Variants in SORBS2 observed in about 807,000 individuals in gnomAD.
The protein encoded by SORBS2 is sorbin and SH3 domain containing 2.
SORBS2 carries 46 observed loss-of-function variants against 97.7 expected under a neutral mutation model. The observed-to-expected ratio is 0.47, with a 90% confidence interval of 0.37 to 0.60. The LOEUF (loss-of-function observed/expected upper bound fraction) is 0.60, where lower values mean the gene tolerates loss of function less well. SORBS2 is among the 20% of genes least tolerant of loss of function. SORBS2 has a pLI of 0.00. For missense variants in SORBS2, 1,316 were observed against 1,282.3 expected (o/e 1.03, Z -0.40); for synonymous variants, 476 against 473.4 (o/e 1.01, Z -0.07).
chr4:185,804,401 T>C (rs1167318879), intron 1 of SORBS2, among the ~76,000 whole-genome samples: 2 of 152,218 alleles, frequency 1.3e-5, no homozygotes, highest in Admixed American at 6.5e-5. Context: ...GGAGGTCACT[T>C]TCACATGGAA....
intron 2 of SORBS2, among the ~76,000 whole-genome samples, chr4:185,760,275 G>T (rs1021436583): frequency 6.6e-6 from 1 of 152,152 alleles, no homozygotes; most frequent in Non-Finnish European, 1.5e-5. Flanking sequence ...AATGTGGCTG[G>T]CATTACAGCC....
chr4:185,681,351 G>A (rs1391665033), intron 2 of SORBS2, among the ~76,000 whole-genome samples: 4 of 151,570 alleles, frequency 2.6e-5, no homozygotes, highest in Admixed American at 2.6e-4. Flanking sequence ...CTTTGGAGCA[G>A]GTAATAGAAA....
intron 1 of SORBS2, among the ~76,000 whole-genome samples, chr4:185,899,441 T>A (rs563502113): frequency 6.6e-6 from 1 of 152,232 alleles, no homozygotes; most frequent in Non-Finnish European, 1.5e-5. Flanking sequence ...TTATTTTTAT[T>A]TTTTTTAAGA....
intron 1 of SORBS2, among the ~76,000 whole-genome samples, chr4:185,793,333 G>C (rs1035716765): frequency 2.6e-5 from 4 of 152,192 alleles, no homozygotes; most frequent in Admixed American, 2.6e-4. Flanking sequence ...TTAGAAAACA[G>C]TGAGCTCCCA....
At position 185,865,980 on chromosome 4, in the gene SORBS2, T is replaced by C. The variant is rs143434816; in HGVS notation, c.-338+90216A>G. On this transcript the variant is annotated intron_variant, in intron 1 of 20. Transcript: ENST00000284776. ...CATGATGTAACTAGGCTTTTTGCCA[T>C]GGGTCTCTGTGAACTCTCGCCCAGG... Among the ~76,000 whole-genome samples the C allele has an allele frequency of 6.1e-3, 930 of 152,348 alleles. 11 individuals carry two copies. Among genetic ancestry groups the C allele is most frequent in the African/African-American group, 0.022 (902 of 41,576 alleles).
chr4:185,848,806 T>C (rs1039348339), intron 1 of SORBS2, among the ~76,000 whole-genome samples: 3 of 151,920 alleles, frequency 2.0e-5, no homozygotes, highest in Admixed American at 1.3e-4. Context: ...GTTTGAGCCT[T>C]TTATCTGACG....
At chr4:185,951,069 A>T (rs1174652854) in intron 1 of SORBS2, among the ~76,000 whole-genome samples, 1 of 152,168 alleles carries the variant, frequency 6.6e-6, no homozygotes, top group African/African-American at 2.4e-5. Context: ...ATGACATCAT[A>T]CTCAACAAAA....
chr4:185,924,536 T>C (rs116044678), intron 1 of SORBS2, among the ~76,000 whole-genome samples: 2,258 of 152,322 alleles, frequency 0.015, 39 homozygotes, highest in African/African-American at 0.037. Flanking sequence ...ATACCCGCTG[T>C]CTTTTCCTGG....
intron 1 of SORBS2, among the ~76,000 whole-genome samples, chr4:185,839,603 T>C (rs1407299016): frequency 6.6e-6 from 1 of 152,182 alleles, no homozygotes. Flanking sequence ...CTCCAAGCTT[T>C]ATGTGCTTGT....
At chr4:185,825,497 T>C (rs1197933442) in intron 1 of SORBS2, among the ~76,000 whole-genome samples, 1 of 152,234 alleles carries the variant, frequency 6.6e-6, no homozygotes, top group African/African-American at 2.4e-5. Context: ...TCTGTAAATG[T>C]AGAAACTCCT....
intron 1 of SORBS2, among the ~76,000 whole-genome samples, chr4:185,804,828 A>AGATAT (rs2099146060): frequency 6.6e-6 from 1 of 152,056 alleles, no homozygotes; most frequent in Admixed American, 6.5e-5. Context: ...AATCAGAAGC[A>AGATAT]GATATTTTGA....
intron 2 of SORBS2, among the ~76,000 whole-genome samples, chr4:185,768,712 CAA>C (rs72088117): frequency 2.6e-5 from 3 of 116,804 alleles, no homozygotes; most frequent in African/African-American, 6.5e-5. Flanking sequence ...AAAAAAAAAA[CAA>C]AAAAACAAAA....
At chr4:185,635,525 A>G in intron 4 of SORBS2, 114 bp from the exon 16 acceptor site, 1 of 755,712 alleles carries the variant, frequency 1.3e-6, no homozygotes, top group Non-Finnish European at 2.3e-6. Context: ...TTGAGTGTTG[A>G]CAGCACCAGC....
chr4:185,702,766 A>G (rs2098282637), intron 2 of SORBS2, among the ~76,000 whole-genome samples: 1 of 152,026 alleles, frequency 6.6e-6, no homozygotes, highest in African/African-American at 2.4e-5. Context: ...TTTAAAGTTT[A>G]TAACATGAAA....
intron 1 of SORBS2, among the ~76,000 whole-genome samples, chr4:185,938,422 ACACACAC>A (rs1225687650): frequency 2.0e-5 from 3 of 151,328 alleles, no homozygotes; most frequent in Non-Finnish European, 4.4e-5. Context: ...ACACACACAC[ACACACAC>A]ACCCTTTTAT....
At chr4:185,632,077 T>C (rs1372803205) in intron 4 of SORBS2, among the ~76,000 whole-genome samples, 1 of 152,254 alleles carries the variant, frequency 6.6e-6, no homozygotes, top group Non-Finnish European at 1.5e-5. Context: ...AATCTCACTT[T>C]ACAAACTATT....
chr4:185,836,598 C>T (rs1378109977), intron 1 of SORBS2, among the ~76,000 whole-genome samples: 1 of 147,610 alleles, frequency 6.8e-6, no homozygotes, highest in Non-Finnish European at 1.5e-5. Context: ...AATTTTATCC[C>T]CGTGTCACAC....
At chr4:185,665,181 A>G (rs553538587) in intron 4 of SORBS2, among the ~76,000 whole-genome samples, 1 of 152,334 alleles carries the variant, frequency 6.6e-6, no homozygotes, top group South Asian at 2.1e-4. Context: ...AATTTCTGAA[A>G]GGTAGATAGG....
At chr4:185,742,376 C>G (rs1218386968) in intron 2 of SORBS2, among the ~76,000 whole-genome samples, 1 of 152,186 alleles carries the variant, frequency 6.6e-6, no homozygotes, top group Non-Finnish European at 1.5e-5. Context: ...CCTTGCATAT[C>G]ACAAGATGGG....
Sources: gnomAD v4.1 joint callset for allele counts (sites outside exome capture counted in the v4.1 genomes callset) on GRCh38, gnomAD v4.1.1 for gene constraint, MANE v1.5 for transcripts, NCBI Gene and HGNC (gene_info 2026-07-23, HGNC 2026-07-21) for gene names.